The following MLIP variants were observed in gnomAD, a reference collection of about 807,000 sequenced individuals.
MLIP encodes the protein muscular LMNA-interacting protein.
MLIP carries 79 observed loss-of-function variants against 84.8 expected under a neutral mutation model. The observed-to-expected ratio is 0.93, with a 90% CI of 0.78 to 1.12. The LOEUF (loss-of-function observed/expected upper bound fraction) is 1.12. Among genes scored for constraint, MLIP ranks in the 50% most tolerant of loss-of-function variants. MLIP has a pLI of 0.00. For synonymous variants in MLIP, 504 were observed against 463.0 expected (o/e 1.09, Z -1.14); for missense variants, 1,257 against 1,160.6 (o/e 1.08, Z -1.21).
intron 1 of MLIP, among the ~76,000 whole-genome samples, chr6:54,059,877 G>A (rs1363856665): frequency 2.0e-5 from 3 of 152,224 alleles, no homozygotes; most frequent in Non-Finnish European, 2.9e-5. Context: ...GCTAAACTTA[G>A]TTTCACTTTT....
At chr6:54,020,220 T>C (rs1249294158) in intron 1 of MLIP, among the ~76,000 whole-genome samples, 2 of 152,200 alleles carry the variant, frequency 1.3e-5, no homozygotes. Context: ...AGTTAATTCA[T>C]GTGTAAGATA....
chr6:54,205,204 A>G (rs1277787954), intron 11 of MLIP, among the ~76,000 whole-genome samples: 1 of 152,210 alleles, frequency 6.6e-6, no homozygotes, highest in African/African-American at 2.4e-5. Flanking sequence ...TGAATAATAA[A>G]ATGTATAATC....
intron 13 of MLIP, among the ~76,000 whole-genome samples, chr6:54,258,822 A>G (rs973986450): frequency 5.3e-5 from 8 of 151,998 alleles, no homozygotes; most frequent in Non-Finnish European, 1.0e-4. Context: ...AATAGCTAGG[A>G]AGTGTCTCCA....
intron 12 of MLIP, among the ~76,000 whole-genome samples, chr6:54,251,826 AAT>A (rs368207222): frequency 0.07 from 5,444 of 77,812 alleles, 447 homozygotes; most frequent in Middle Eastern, 0.11. Context: ...AGATAATATA[AAT>A]ATATATATTA....
chr6:54,117,432 T>A (rs1245050223), intron 1 of MLIP, among the ~76,000 whole-genome samples: 1 of 151,126 alleles, frequency 6.6e-6, no homozygotes, highest in African/African-American at 2.4e-5. Context: ...GCCAGGATGG[T>A]CTCGATCTCC....
intron 11 of MLIP, among the ~76,000 whole-genome samples, chr6:54,229,600 A>G (rs1780837429): frequency 6.6e-6 from 1 of 152,176 alleles, no homozygotes; most frequent in Non-Finnish European, 1.5e-5. Context: ...GCTCCCACTT[A>G]TAAGGGAGAA....
chr6:54,083,435 A>G (rs971935052), intron 1 of MLIP: 275 of 1,502,686 alleles, frequency 1.8e-4, no homozygotes, highest in Non-Finnish European at 2.4e-4. Flanking sequence ...CATAATTTGT[A>G]CAGTGCTTTG....
At chr6:54,110,461 T>C (rs1381438186), upstream of MLIP, among the ~76,000 whole-genome samples, 2 of 152,336 alleles carry the variant, frequency 1.3e-5, no homozygotes, top group Admixed American at 1.3e-4. Flanking sequence ...AACACGGCAC[T>C]TATATTCAGA....
At chr6:54,187,644 T>A (rs1017253778) in intron 9 of MLIP, among the ~76,000 whole-genome samples, 5 of 151,988 alleles carry the variant, frequency 3.3e-5, no homozygotes, top group Non-Finnish European at 2.9e-5. Flanking sequence ...GAATACAGTA[T>A]AAAGTGACAA....
At chr6:54,166,666 T>A (rs950515107) in intron 8 of MLIP, among the ~76,000 whole-genome samples, 1 of 151,948 alleles carries the variant, frequency 6.6e-6, no homozygotes, top group Admixed American at 6.6e-5. Context: ...TAGTCATGAG[T>A]CCTCAAACTT....
At chr6:54,246,907 T>G (rs1171482871) in intron 12 of MLIP, among the ~76,000 whole-genome samples, 2 of 152,134 alleles carry the variant, frequency 1.3e-5, no homozygotes, top group Non-Finnish European at 2.9e-5. Flanking sequence ...ATAGTTTCTC[T>G]CTTTTTCATA....
At chr6:54,261,771 T>C in intron 13 of MLIP, 1 of 979,178 alleles carries the variant, frequency 1.0e-6, no homozygotes, top group Non-Finnish European at 1.2e-6. Flanking sequence ...TCTGGTTTGA[T>C]TCAAGGGTAA....
chr6:54,036,778 C>T (rs1343631799), intron 1 of MLIP, among the ~76,000 whole-genome samples: 1 of 151,988 alleles, frequency 6.6e-6, no homozygotes, highest in African/African-American at 2.4e-5. Flanking sequence ...AAAGAGATAC[C>T]TGCATTCCAT....
Position 54,266,025 on chromosome 6 carries a change from A to T in MLIP, c.*70A>T. On this transcript the variant is annotated 3_prime_UTR_variant, in exon 14 of 14. Transcript: ENST00000502396. Reference sequence around the variant, plus strand: ...AATGCTGGTGCTAACCACTTGCTAGATTTAACTTTTTTTTTTTTTTCCAGA... The same window carrying T: ...AATGCTGGTGCTAACCACTTGCTAGTTTTAACTTTTTTTTTTTTTTCCAGA... 1 of 1,502,554 alleles carries T rather than the reference A, an allele frequency of 6.7e-7. No individual in the cohort carries two copies. The highest frequency in any genetic ancestry group is 9.1e-7 in the Non-Finnish European group (1 of 1,101,140). 93.1% of individuals were successfully genotyped at this position (1,502,554 alleles called of 1,614,324 possible). A position where few individuals can be genotyped will look rare whatever the true frequency, so the allele number is the denominator to read the frequency against.
chr6:54,183,620 T>C (rs1777100965), intron 9 of MLIP, among the ~76,000 whole-genome samples: 1 of 128,742 alleles, frequency 7.8e-6, no homozygotes. Context: ...GTTAGAATCA[T>C]CATTCCCTAT....
chr6:54,115,061 A>C (rs933617614), intron 1 of MLIP, among the ~76,000 whole-genome samples: 1 of 152,196 alleles, frequency 6.6e-6, no homozygotes, highest in African/African-American at 2.4e-5. Flanking sequence ...AGTGTGAAAG[A>C]GTTTTCTAGG....
intron 11 of MLIP, among the ~76,000 whole-genome samples, chr6:54,221,279 A>C (rs1298023137): frequency 6.6e-6 from 1 of 152,136 alleles, no homozygotes; most frequent in East Asian, 1.9e-4. Context: ...CCCTGTATGA[A>C]CCTGTTGGAA....
chr6:54,237,663 T>C (rs1295227629), intron 12 of MLIP, among the ~76,000 whole-genome samples: 5 of 132,114 alleles, frequency 3.8e-5, no homozygotes. Context: ...CTGGACGACA[T>C]AGGGAGACTG....
intron 1 of MLIP, among the ~76,000 whole-genome samples, chr6:54,041,839 G>T (rs1405698374): frequency 6.6e-6 from 1 of 152,042 alleles, no homozygotes; most frequent in Non-Finnish European, 1.5e-5. Context: ...TACAATTCCT[G>T]ATTATATAGG....
Sources: allele counts gnomAD v4.1 joint callset (sites outside exome capture counted in the v4.1 genomes callset), GRCh38; gene constraint gnomAD v4.1.1; transcripts MANE v1.5; gene names NCBI Gene and HGNC (gene_info 2026-07-23, HGNC 2026-07-21).